NAALADL2: variants seen among roughly 807,000 people sequenced by gnomAD.
NAALADL2 encodes inactive N-acetylated-alpha-linked acidic dipeptidase-like protein 2.
Under a neutral mutation model 87.2 loss-of-function variants are expected in NAALADL2, and 76 were observed. That is an observed-to-expected ratio of 0.87 (90% CI 0.72 to 1.05). The LOEUF is 1.05. Among genes scored for constraint, NAALADL2 ranks in the 50% least tolerant of loss-of-function variants. The pLI is 0.00. For missense variants in NAALADL2, 1,089 were observed against 945.8 expected, an observed-to-expected ratio of 1.15 and a Z score of -1.99; for synonymous variants, 354 against 331.0, an observed-to-expected ratio of 1.07 and a Z score of -0.75.
At chr3:175,228,170 G>A (rs1160881118) in intron 2 of NAALADL2, among the ~76,000 whole-genome samples, 1 of 151,858 alleles carries the variant, frequency 6.6e-6, no homozygotes, top group Non-Finnish European at 1.5e-5. Flanking sequence ...CCAGAGTGTA[G>A]GAGATTTGAA....
intron 1 of NAALADL2, among the ~76,000 whole-genome samples, chr3:174,896,332 A>C (rs1293793522): frequency 2.0e-5 from 3 of 152,158 alleles, no homozygotes; most frequent in Non-Finnish European, 4.4e-5. Flanking sequence ...AATTCATTCA[A>C]GTTGCAGGAT....
rs566918620 is a variant in NAALADL2, at chr3:175,682,137, A to C, written c.1896+54751A>C. ...GACACTACAAAGAGAGAGAAAAATA[A>C]AACAAAATCTTTGCACACAAATGAA... On this transcript the variant is annotated intron_variant, in intron 11 of 13. Coordinates refer to ENST00000454872, the MANE Select transcript of NAALADL2 (RefSeq NM_207015.3). Among the ~76,000 whole-genome samples the C allele has an allele frequency of 1.5e-4, 23 of 152,216 alleles. No homozygotes were observed. In the South Asian group the frequency reaches 4.8e-3, roughly 32 times the overall value.
At chr3:174,687,590 C>A (rs944748818) in intron 2 of NAALADL2, among the ~76,000 whole-genome samples, 1 of 151,988 alleles carries the variant, frequency 6.6e-6, no homozygotes, top group Admixed American at 6.6e-5. Flanking sequence ...GAGAAGGGGG[C>A]AAAAATAAAT....
At chr3:174,682,195 G>A (rs1727609639) in intron 2 of NAALADL2, among the ~76,000 whole-genome samples, 1 of 152,174 alleles carries the variant, frequency 6.6e-6, no homozygotes, top group Admixed American at 6.5e-5. Flanking sequence ...GAAAAGTGTG[G>A]GAAAGACTTT....
chr3:174,958,856 T>G (rs1429663703), intron 1 of NAALADL2, among the ~76,000 whole-genome samples: 1 of 152,092 alleles, frequency 6.6e-6, no homozygotes, highest in Non-Finnish European at 1.5e-5. Context: ...TGTTGTTGCT[T>G]GTAGATAATA....
intron 2 of NAALADL2, among the ~76,000 whole-genome samples, chr3:175,155,804 A>G (rs1188505979): frequency 6.6e-6 from 1 of 152,186 alleles, no homozygotes; most frequent in Non-Finnish European, 1.5e-5. Context: ...AAGCGACTGA[A>G]TCAGAACTTT....
intron 2 of NAALADL2, among the ~76,000 whole-genome samples, chr3:174,690,695 G>T (rs653144): frequency 0.34 from 51,829 of 151,848 alleles, 10,118 homozygotes; most frequent in Non-Finnish European, 0.43. Flanking sequence ...ATTTAATTTT[G>T]TGTGTTCTGT....
At chr3:175,258,547 A>T (rs1750481326) in intron 4 of NAALADL2, among the ~76,000 whole-genome samples, 1 of 152,182 alleles carries the variant, frequency 6.6e-6, no homozygotes, top group Non-Finnish European at 1.5e-5. Context: ...GCTACCAAGC[A>T]TCAATATTTT....
intron 10 of NAALADL2, among the ~76,000 whole-genome samples, chr3:175,603,101 T>G (rs1180470486): frequency 6.6e-6 from 1 of 152,190 alleles, no homozygotes; most frequent in African/African-American, 2.4e-5. Flanking sequence ...ACTTTAAAAT[T>G]AACACAATGT....
chr3:175,538,705 A>C (rs1354407876), intron 9 of NAALADL2, among the ~76,000 whole-genome samples: 1 of 152,204 alleles, frequency 6.6e-6, no homozygotes, highest in Non-Finnish European at 1.5e-5. Flanking sequence ...AACCTATGTA[A>C]ATTTTTAACT....
chr3:175,704,476 A>AGTCTTT (rs1445956800), intron 11 of NAALADL2, among the ~76,000 whole-genome samples: 1 of 86,182 alleles, frequency 1.2e-5, no homozygotes, highest in Non-Finnish European at 2.2e-5. Flanking sequence ...TTTGACAGAT[A>AGTCTTT]GTCTTTTGCC....
chr3:174,515,326 C>T (rs1719879656), intron 1 of NAALADL2, among the ~76,000 whole-genome samples: 1 of 152,062 alleles, frequency 6.6e-6, no homozygotes. Context: ...TTGCCATGCA[C>T]TGGCTATGTG....
chr3:175,423,052 T>TATATATATATATATATATATA (rs1491115866), intron 5 of NAALADL2, among the ~76,000 whole-genome samples: 10 of 98,420 alleles, frequency 1.0e-4, no homozygotes, highest in African/African-American at 4.1e-4. Context: ...TATATATATA[T>TATATATATATATATATATATA]TTTTTTTTTT....
chr3:174,557,753 C>A (rs999825928), intron 2 of NAALADL2, among the ~76,000 whole-genome samples: 3 of 151,984 alleles, frequency 2.0e-5, no homozygotes, highest in Non-Finnish European at 4.4e-5. Context: ...CCCAATAACA[C>A]CCCGAAGTTT....
intron 7 of NAALADL2, among the ~76,000 whole-genome samples, chr3:175,464,519 A>G (rs770674341): frequency 2.6e-5 from 4 of 152,138 alleles, no homozygotes; most frequent in African/African-American, 4.8e-5. Context: ...GCTGAATCAC[A>G]TATTACTGTC....
chr3:174,662,087 AAAAAT>A (rs1725558512), intron 2 of NAALADL2, among the ~76,000 whole-genome samples: 3 of 152,178 alleles, frequency 2.0e-5, no homozygotes, highest in Admixed American at 1.3e-4. Context: ...ACTGTGGGAT[AAAAAT>A]AAAATAACAT....
chr3:175,493,411 C>A (rs2193843), intron 9 of NAALADL2, among the ~76,000 whole-genome samples: 134,959 of 152,058 alleles, frequency 0.89, 59,914 homozygotes, highest in East Asian at 0.98. Flanking sequence ...AATGTGCTCC[C>A]CTCTTAAGGA....
At chr3:174,684,717 T>A (rs138089080) in intron 2 of NAALADL2, among the ~76,000 whole-genome samples, 1 of 152,258 alleles carries the variant, frequency 6.6e-6, no homozygotes, top group East Asian at 1.9e-4. Context: ...AGTTTTTGAT[T>A]AAATGTGTGG....
chr3:174,529,709 C>G (rs913166218), intron 1 of NAALADL2, among the ~76,000 whole-genome samples: 1 of 152,196 alleles, frequency 6.6e-6, no homozygotes, highest in African/African-American at 2.4e-5. Context: ...CACTGGCAGG[C>G]TGACACCATG....
Sources: allele counts gnomAD v4.1 joint callset (sites outside exome capture counted in the v4.1 genomes callset), GRCh38; gene constraint gnomAD v4.1.1; transcripts MANE v1.5; gene names NCBI Gene and HGNC (gene_info 2026-07-23, HGNC 2026-07-21).